The following RNLS variants were observed in gnomAD, a reference collection of about 807,000 sequenced individuals.
The protein encoded by RNLS is renalase.
A neutral mutation model predicts 39.8 loss-of-function variants in RNLS; 39 were observed. The ratio of observed to expected loss-of-function variants is 0.98; its 90% CI spans 0.76 to 1.28. RNLS has a LOEUF of 1.28. Ranked by LOEUF, RNLS falls within the 50% of genes most tolerant of loss-of-function variation. The probability of loss-of-function intolerance (pLI) is 0.00; values close to 1 mark genes in which losing one functional copy is unlikely to be tolerated. For missense variants in RNLS, 410 were observed against 413.3 expected (o/e 0.99, Z 0.07); for synonymous variants, 147 against 150.7 (o/e 0.98, Z 0.18).
chr10:88,204,975 A>T, the RNLS span, among the ~76,000 whole-genome samples: 1 of 152,148 alleles, frequency 6.6e-6, no homozygotes, highest in South Asian at 2.1e-4. Context: ...GAATGCTATG[A>T]TAGAATATCC....
chr10:88,472,426 C>G (rs1843595823), intron 4 of RNLS, among the ~76,000 whole-genome samples: 1 of 152,040 alleles, frequency 6.6e-6, no homozygotes, highest in Admixed American at 6.6e-5. Flanking sequence ...AACCTGTTAA[C>G]AAGCCCGAGA....
intron 4 of RNLS, among the ~76,000 whole-genome samples, chr10:88,541,903 A>T (rs1848063610): frequency 6.6e-6 from 1 of 152,088 alleles, no homozygotes; most frequent in Non-Finnish European, 1.5e-5. Context: ...AGCATAGGGC[A>T]TGAGGAACTA....
chr10:88,313,235 G>A (rs1021893999), intron 6 of RNLS, among the ~76,000 whole-genome samples: 7 of 152,066 alleles, frequency 4.6e-5, no homozygotes, highest in African/African-American at 1.2e-4. Flanking sequence ...AATAAATTAC[G>A]AGAAAGGCAC....
intron 5 of RNLS, among the ~76,000 whole-genome samples, chr10:88,347,564 G>C (rs1425680322): frequency 1.3e-5 from 2 of 151,952 alleles, no homozygotes; most frequent in Non-Finnish European, 2.9e-5. Context: ...GTTCATCCTA[G>C]ATATTCCAAA....
chr10:88,350,571 T>C (rs1038940718), intron 5 of RNLS, among the ~76,000 whole-genome samples: 1 of 152,190 alleles, frequency 6.6e-6, no homozygotes, highest in Non-Finnish European at 1.5e-5. Flanking sequence ...TCATCCTTTT[T>C]TATGGCTGCA....
chr10:88,200,379 T>C, the RNLS span, among the ~76,000 whole-genome samples: 7 of 152,168 alleles, frequency 4.6e-5, no homozygotes, highest in East Asian at 1.9e-4. Context: ...TCCTAGGAAG[T>C]AGATGTTTCT....
At chr10:88,274,785 T>C in exon 7 of RNLS, 1 of 486,702 alleles carries the variant, frequency 2.1e-6, no homozygotes. Context: ...CCATAGTAGC[T>C]ACATCATTTT....
At position 88,327,979 on chromosome 10, in the gene RNLS, G is replaced by T. The variant is rs183154554; in HGVS notation, c.701-13338C>A. 3.8e-3 allele frequency among the ~76,000 whole-genome samples: 572 copies of T among 152,236 alleles called. 2 individuals carry two copies. Among genetic ancestry groups the T allele is most frequent in the African/African-American group, 0.012 (489 of 41,546 alleles). On this transcript the variant is annotated intron_variant, in intron 5 of 6. Coordinates refer to ENST00000331772, the MANE Select transcript of RNLS (RefSeq NM_001031709.3). ...GCTAGAGTGCAGTGGCACAATCTTG[G>T]CTCACTGCAACCTCTGCCTCCCAGG... is the stretch of plus-strand genomic sequence containing the variant.
chr10:88,513,615 T>G (rs1846261278), intron 4 of RNLS, among the ~76,000 whole-genome samples: 1 of 152,148 alleles, frequency 6.6e-6, no homozygotes, highest in Non-Finnish European at 1.5e-5. Flanking sequence ...CTGAAATACT[T>G]AATGAATATT....
chr10:88,449,579 G>T (rs960331293), intron 4 of RNLS, among the ~76,000 whole-genome samples: 1 of 152,070 alleles, frequency 6.6e-6, no homozygotes, highest in African/African-American at 2.4e-5. Context: ...ACTCTCATTT[G>T]TCTTTTTGTC....
At chr10:88,182,184 A>G in the RNLS span, among the ~76,000 whole-genome samples, 1 of 152,128 alleles carries the variant, frequency 6.6e-6, no homozygotes, top group Non-Finnish European at 1.5e-5. Flanking sequence ...AGCTTTGCTC[A>G]AATACATCAA....
In RNLS at chr10:88,453,080, G is replaced by A. The variant is rs145800938; in HGVS notation, c.527-90355C>T. ...TGTTAAGGCCATGAGACCAGCTGCA[G>A]TGGCAGGAGCTGTAGCTCATCTCAC... On this transcript the variant is annotated intron_variant, in intron 4 of 6. Transcript: ENST00000331772. Among the ~76,000 whole-genome samples, 10 of 152,340 alleles carry A rather than the reference G, an allele frequency of 6.6e-5. No individual in the cohort carries two copies. The East Asian group carries it at 1.9e-3, about 29-fold the overall frequency.
intron 4 of RNLS, among the ~76,000 whole-genome samples, chr10:88,444,101 T>C (rs945285061): frequency 1.3e-5 from 2 of 152,306 alleles, no homozygotes; most frequent in East Asian, 1.9e-4. Flanking sequence ...CTCACACGGC[T>C]GGGTACCCCT....
chr10:88,217,809 G>C, the RNLS span, among the ~76,000 whole-genome samples: 3 of 148,934 alleles, frequency 2.0e-5, no homozygotes, highest in African/African-American at 7.5e-5. Flanking sequence ...GGAGGCCAAA[G>C]CGGGTGGATC....
chr10:88,284,437 G>A lies in RNLS; in HGVS notation c.*917C>T. On this transcript the variant is annotated 3_prime_UTR_variant, in exon 7 of 7. Coordinates refer to ENST00000331772, the MANE Select transcript of RNLS (RefSeq NM_001031709.3). ...TCCAGCTAGCAAGTCGTGGGGTCAG[G>A]TCACTGAAGCATGTGGGTGATATGC... The A allele has an allele frequency of 2.0e-6, 2 of 985,364 alleles. No homozygotes were observed. The highest frequency in any genetic ancestry group is 2.4e-6 in the Non-Finnish European group (2 of 829,906). 61.0% of individuals were successfully genotyped at this position (985,364 alleles called of 1,614,324 possible).
intron 4 of RNLS, among the ~76,000 whole-genome samples, chr10:88,365,579 A>T (rs1850014363): frequency 6.8e-6 from 1 of 146,360 alleles, no homozygotes; most frequent in African/African-American, 2.8e-5. Flanking sequence ...AGGATATGTT[A>T]TATATTATAT....
intron 4 of RNLS, among the ~76,000 whole-genome samples, chr10:88,453,081 T>C (rs1842443701): frequency 6.6e-6 from 1 of 152,148 alleles, no homozygotes; most frequent in South Asian, 2.1e-4. Context: ...CCAGCTGCAG[T>C]GGCAGGAGCT....
chr10:88,391,331 CG>C (rs1390588527), intron 4 of RNLS, among the ~76,000 whole-genome samples: 23 of 152,044 alleles, frequency 1.5e-4, no homozygotes, highest in African/African-American at 5.6e-4. Flanking sequence ...GTTCCGAGGC[CG>C]GTGGATCACA....
At chr10:88,575,159 T>TATATATATATATACACAC (rs1386414416) in intron 3 of RNLS, among the ~76,000 whole-genome samples, 2 of 43,388 alleles carry the variant, frequency 4.6e-5, no homozygotes, top group African/African-American at 1.7e-4. Flanking sequence ...TATATATATA[T>TATATATATATATACACAC]ACACACACAC....
Sources: allele counts gnomAD v4.1 joint callset (sites outside exome capture counted in the v4.1 genomes callset), GRCh38; gene constraint gnomAD v4.1.1; transcripts MANE v1.5; gene names NCBI Gene and HGNC (gene_info 2026-07-23, HGNC 2026-07-21).